Variants in SMG7 observed in about 807,000 individuals in gnomAD.
SMG7 encodes the protein nonsense-mediated mRNA decay factor SMG7.
Under a neutral mutation model 148.2 loss-of-function variants are expected in SMG7, and 34 were observed. The observed-to-expected ratio is 0.23, with a 90% CI of 0.17 to 0.31. The LOEUF is 0.31. Ranked by LOEUF, SMG7 falls within the 10% of genes least tolerant of loss-of-function variation. SMG7 has a pLI of 1.00. For synonymous variants in SMG7, 492 were observed against 515.1 expected (o/e 0.96, Z 0.61); for missense variants, 1,114 against 1,408.4 (o/e 0.79, Z 3.35).
rs1572013822 is a variant in SMG7 at position 183,529,570 on chromosome 1, A to G, written c.843+37A>G. ...GAAATAGAGAATTTTTGTCTTGTCT[A>G]AATCAGGAAGCATAACATTTGGAGG... On this transcript the variant is annotated intron_variant, in intron 8 of 22. Coordinates refer to ENST00000688051, the MANE Select transcript of SMG7 (RefSeq NM_001375584.1). 3 of 1,572,414 alleles carry G rather than the reference A, an allele frequency of 1.9e-6. No homozygotes were observed. In the East Asian group the frequency reaches 6.8e-5, roughly 35 times the overall value.
Position 183,553,577 on chromosome 1 carries a change from C to T in SMG7, c.*1646C>T, listed in dbSNP as rs569903145. On this transcript the variant is annotated 3_prime_UTR_variant, in exon 23 of 23. Transcript: ENST00000688051. ...CCAGCAATGAAAAGGGGTGAGATAA[C>T]GCTCATTGCTCTTCAGAGAGAGTGG... 4.7e-5 allele frequency: 9 copies of T among 191,992 alleles called. No individual in the cohort carries two copies. The highest frequency in any genetic ancestry group is 1.5e-4 in the East Asian group (1 of 6,674). The allele number at this position is 191,992 out of a possible 1,614,324, so 11.9% of individuals were successfully genotyped here. A position where few individuals can be genotyped will look rare whatever the true frequency, so the allele number is the denominator to read the frequency against.
intron 4 of SMG7, among the ~76,000 whole-genome samples, chr1:183,519,612 C>G (rs980041824): frequency 1.3e-5 from 2 of 151,958 alleles, no homozygotes; most frequent in Non-Finnish European, 2.9e-5. Flanking sequence ...ATAATGCATA[C>G]CAATTTCAAG....
At position 183,553,272 on chromosome 1, in the gene SMG7, A is replaced by G; in HGVS notation, c.*1341A>G. The G allele has an allele frequency of 7.4e-7, 1 of 1,354,998 alleles. No individual in the cohort carries two copies. The highest frequency in any genetic ancestry group is 2.5e-5 in the East Asian group (1 of 39,568). 83.9% of individuals were successfully genotyped at this position (1,354,998 alleles called of 1,614,324 possible). A position where few individuals can be genotyped will look rare whatever the true frequency, so the allele number is the denominator to read the frequency against. On this transcript the variant is annotated 3_prime_UTR_variant, in exon 23 of 23. Coordinates refer to ENST00000688051, the MANE Select transcript of SMG7 (RefSeq NM_001375584.1). ...TCTTGTGTAGAAACAGAAGGACAGCATTTCTGTTAGTCATTTCCTGGAAAA... is the reference window on the plus strand; with the variant it reads ...TCTTGTGTAGAAACAGAAGGACAGCGTTTCTGTTAGTCATTTCCTGGAAAA...
chr1:183,513,331 C>T (rs1662617261), intron 2 of SMG7: 1 of 150,480 alleles, frequency 6.6e-6, no homozygotes, highest in Non-Finnish European at 1.5e-5. Flanking sequence ...ATTGAGTGAG[C>T]TACCTTGCTG....
In SMG7 at chr1:183,481,401, C is replaced by G. The variant is rs56310144; in HGVS notation, c.29+8752C>G. On this transcript the variant is annotated intron_variant, in intron 1 of 22. Transcript: ENST00000688051. ...TTAAACTTTGTAGCATTTCCTGTAT[C>G]TTAGTCATTTGGTACTTGTAATTTC... Among the ~76,000 whole-genome samples, 856 of 152,250 alleles carry G rather than the reference C, an allele frequency of 5.6e-3. 3 individuals carry two copies. Among genetic ancestry groups the G allele is most frequent in the Non-Finnish European group, 0.01 (691 of 68,008 alleles).
chr1:183,489,289 C>T (rs768520828), intron 1 of SMG7, among the ~76,000 whole-genome samples: 2 of 152,118 alleles, frequency 1.3e-5, no homozygotes, highest in Non-Finnish European at 2.9e-5. Context: ...GGTCCTCATT[C>T]TCGGGTTCTT....
rs754430414 is a variant in SMG7 at position 183,538,443 on chromosome 1, A to G, written c.1295+3A>G. 1.9e-6 allele frequency: 3 copies of G among 1,594,714 alleles called. No individual in the cohort carries two copies. Among genetic ancestry groups the G allele is most frequent in the South Asian group, 1.1e-5 (1 of 90,676 alleles). On this transcript the variant is annotated splice_donor_region_variant and intron_variant, in intron 12 of 22. Coordinates refer to ENST00000688051, the MANE Select transcript of SMG7 (RefSeq NM_001375584.1). The stretch of plus-strand genomic sequence containing the variant: ...TTGGCATTGAGACCTTCTTTCAGGT[A>G]GGTGATAGCTGAAGTACCTTTATCA...
At chr1:183,481,890 G>A (rs1251552793) in intron 1 of SMG7, among the ~76,000 whole-genome samples, 1 of 150,978 alleles carries the variant, frequency 6.6e-6, no homozygotes. Flanking sequence ...TGAACTCCTG[G>A]CCTTAAGTGA....
chr1:183,491,996 C>G (rs1464732663), intron 1 of SMG7, among the ~76,000 whole-genome samples: 1 of 152,220 alleles, frequency 6.6e-6, no homozygotes, highest in Non-Finnish European at 1.5e-5. Context: ...CTGATCTCAT[C>G]CATGAAGGCA....
intron 2 of SMG7, among the ~76,000 whole-genome samples, chr1:183,514,397 A>T (rs970487358): frequency 6.6e-6 from 1 of 152,096 alleles, no homozygotes; most frequent in Non-Finnish European, 1.5e-5. Context: ...TAGCTTGTAT[A>T]TTTACTCAGT....
chr1:183,502,131 C>A, intron 1 of SMG7: 5 of 583,740 alleles, frequency 8.6e-6, no homozygotes, highest in South Asian at 5.2e-5. Context: ...AAGAAAAAGG[C>A]TTTGACATTT....
chr1:183,529,142 T>C (rs1169424344), intron 7 of SMG7, 100 bp downstream of exon 7: 2 of 1,120,370 alleles, frequency 1.8e-6, no homozygotes, highest in Non-Finnish European at 2.6e-6. Context: ...CGGCCTATGC[T>C]TCTCTTATTT....
intron 3 of SMG7, among the ~76,000 whole-genome samples, chr1:183,516,739 G>A (rs973961755): frequency 6.6e-6 from 1 of 152,118 alleles, no homozygotes; most frequent in African/African-American, 2.4e-5. Flanking sequence ...TTAGGAAGTC[G>A]AGTAATACAG....
chr1:183,474,413 A>G (rs1651578612), intron 1 of SMG7, among the ~76,000 whole-genome samples: 1 of 152,148 alleles, frequency 6.6e-6, no homozygotes, highest in African/African-American at 2.4e-5. Flanking sequence ...AAATACAAAA[A>G]ATTAGCTGGG....
intron 1 of SMG7, among the ~76,000 whole-genome samples, chr1:183,507,677 T>C (rs999786795): frequency 6.6e-6 from 1 of 152,214 alleles, no homozygotes; most frequent in African/African-American, 2.4e-5. Flanking sequence ...AATATCTATA[T>C]GTATTCTAAT....
At chr1:183,494,136 C>T (rs11587738) in intron 1 of SMG7, among the ~76,000 whole-genome samples, 36,682 of 152,008 alleles carry the variant, frequency 0.24, 5,477 homozygotes, top group Non-Finnish European at 0.33. Context: ...TACAGGCATA[C>T]GCCACCATGC....
chr1:183,480,419 A>G (rs983702615), intron 1 of SMG7, among the ~76,000 whole-genome samples: 2 of 152,052 alleles, frequency 1.3e-5, no homozygotes, highest in African/African-American at 4.8e-5. Flanking sequence ...TTCTGAGTAC[A>G]TTATTGAAAT....
At chr1:183,511,680 A>G (rs1280880283) in intron 1 of SMG7, among the ~76,000 whole-genome samples, 2 of 152,178 alleles carry the variant, frequency 1.3e-5, no homozygotes, top group African/African-American at 4.8e-5. Flanking sequence ...GGGACAATTG[A>G]TAGATCAGAT....
At chr1:183,486,054 C>T (rs1571772835) in intron 1 of SMG7, among the ~76,000 whole-genome samples, 1 of 152,284 alleles carries the variant, frequency 6.6e-6, no homozygotes, top group East Asian at 1.9e-4. Flanking sequence ...TTTCCTTCTT[C>T]CAGAAAGTCT....
Sources: allele counts gnomAD v4.1 joint callset (sites outside exome capture counted in the v4.1 genomes callset), GRCh38; gene constraint gnomAD v4.1.1; transcripts MANE v1.5; gene names NCBI Gene and HGNC (gene_info 2026-07-23, HGNC 2026-07-21).